The following CERS6 variants were observed in gnomAD, a reference collection of about 807,000 sequenced individuals.
The protein encoded by CERS6 is ceramide synthase 6.
A neutral mutation model predicts 56.8 loss-of-function variants in CERS6; 26 were observed. That is an observed-to-expected ratio of 0.46 (90% CI 0.34 to 0.63). The LOEUF (loss-of-function observed/expected upper bound fraction) is 0.63. CERS6 is among the 30% of genes least tolerant of loss of function. The pLI is 0.01. For missense variants in CERS6, 415 were observed against 467.5 expected, an observed-to-expected ratio of 0.89 and a Z score of 1.04; for synonymous variants, 164 against 173.3, an observed-to-expected ratio of 0.95 and a Z score of 0.42.
intron 1 of CERS6, among the ~76,000 whole-genome samples, chr2:168,497,989 C>A (rs1336709351): frequency 1.3e-5 from 2 of 152,138 alleles, no homozygotes; most frequent in Non-Finnish European, 1.5e-5. Flanking sequence ...CAAAGGAAGA[C>A]TCCTGATACC....
intron 4 of CERS6, among the ~76,000 whole-genome samples, chr2:168,676,211 G>T (rs1335141990): frequency 6.6e-6 from 1 of 152,152 alleles, no homozygotes; most frequent in Middle Eastern, 3.2e-3. Flanking sequence ...ATTCTTCTTT[G>T]ATAGTATAGC....
intron 3 of CERS6, among the ~76,000 whole-genome samples, chr2:168,576,682 A>G (rs1358807203): frequency 6.6e-6 from 1 of 152,204 alleles, no homozygotes; most frequent in Non-Finnish European, 1.5e-5. Flanking sequence ...ACATGATGCC[A>G]TACTTGCTCT....
At chr2:168,551,238 A>G (rs1225800291) in intron 2 of CERS6, among the ~76,000 whole-genome samples, 2 of 152,156 alleles carry the variant, frequency 1.3e-5, no homozygotes, top group Non-Finnish European at 1.5e-5. Flanking sequence ...GAACCCTTAT[A>G]TATTCTGTAG....
At chr2:168,470,035 G>C (rs1410405981) in intron 1 of CERS6, among the ~76,000 whole-genome samples, 5 of 151,996 alleles carry the variant, frequency 3.3e-5, no homozygotes, top group Non-Finnish European at 7.4e-5. Context: ...CTCAGGAAAT[G>C]CCATTTCAGG....
At chr2:168,722,466 G>C (rs1366194378) in intron 8 of CERS6, among the ~76,000 whole-genome samples, 1 of 152,080 alleles carries the variant, frequency 6.6e-6, no homozygotes, top group Non-Finnish European at 1.5e-5. Flanking sequence ...GTGTATGGTA[G>C]AAGGTAGGTA....
In CERS6 at chr2:168,757,935, G is replaced by A. The variant is rs370430955; in HGVS notation, c.846-7657G>A. 9.2e-5 allele frequency among the ~76,000 whole-genome samples: 14 copies of A among 152,240 alleles called. No individual in the cohort carries two copies. The East Asian group carries it at 1.4e-3, about 15-fold the overall frequency. ...AAACATCGTTCTCAGCCTTGTAATA[G>A]CCTTGATGTTGACCAAGATGTTATT... is the stretch of plus-strand genomic sequence containing the variant. On this transcript the variant is annotated intron_variant, in intron 8 of 9. Transcript: ENST00000305747.
At chr2:168,577,526 A>G (rs1683303010) in intron 3 of CERS6, among the ~76,000 whole-genome samples, 1 of 152,124 alleles carries the variant, frequency 6.6e-6, no homozygotes, top group African/African-American at 2.4e-5. Flanking sequence ...TTGTTTGTAT[A>G]CTGATGGGAA....
chr2:168,696,647 A>G (rs1686654317), intron 6 of CERS6, among the ~76,000 whole-genome samples: 2 of 152,328 alleles, frequency 1.3e-5, no homozygotes, highest in East Asian at 1.9e-4. Flanking sequence ...GTGTCTGGCA[A>G]CAGCCCACTT....
chr2:168,692,969 A>T (rs1464396108), intron 5 of CERS6, among the ~76,000 whole-genome samples: 1 of 152,202 alleles, frequency 6.6e-6, no homozygotes, highest in African/African-American at 2.4e-5. Flanking sequence ...CATTTAGGTG[A>T]AAAAGTAGTG....
intron 4 of CERS6, among the ~76,000 whole-genome samples, chr2:168,638,817 T>G (rs1181341149): frequency 6.6e-6 from 1 of 152,238 alleles, no homozygotes; most frequent in Non-Finnish European, 1.5e-5. Flanking sequence ...TTCTTCAGGC[T>G]GTGAGGTATA....
chr2:168,464,692 C>G (rs1396671139), intron 1 of CERS6, among the ~76,000 whole-genome samples: 2 of 139,130 alleles, frequency 1.4e-5, no homozygotes, highest in African/African-American at 5.5e-5. Context: ...GGGATAGAGC[C>G]TAAATTAAAA....
chr2:168,633,411 G>A (rs1463079953), intron 4 of CERS6, among the ~76,000 whole-genome samples: 1 of 152,062 alleles, frequency 6.6e-6, no homozygotes, highest in Admixed American at 6.6e-5. Context: ...CACAGCTCAG[G>A]AGGCAGAAAT....
intron 1 of CERS6, among the ~76,000 whole-genome samples, chr2:168,489,822 T>C (rs1327703968): frequency 1.3e-5 from 2 of 152,186 alleles, no homozygotes; most frequent in Admixed American, 6.6e-5. Context: ...TTCTCAGAGT[T>C]GGAATCTGAT....
At chr2:168,624,420 T>G (rs943151457) in intron 3 of CERS6, among the ~76,000 whole-genome samples, 2 of 152,182 alleles carry the variant, frequency 1.3e-5, no homozygotes, top group African/African-American at 4.8e-5. Context: ...CCATGTACTT[T>G]GGCAAGTAAT....
At chr2:168,611,028 C>T (rs1399078173) in intron 3 of CERS6, among the ~76,000 whole-genome samples, 5 of 152,082 alleles carry the variant, frequency 3.3e-5, no homozygotes, top group Non-Finnish European at 4.4e-5. Flanking sequence ...AGGCTGGTCT[C>T]GAACTCCTGA....
intron 4 of CERS6, among the ~76,000 whole-genome samples, chr2:168,656,831 G>A (rs1351931274): frequency 1.3e-5 from 2 of 152,142 alleles, no homozygotes; most frequent in East Asian, 1.9e-4. Context: ...GAGCCTAGTG[G>A]CCTGTTTTGT....
intron 3 of CERS6, among the ~76,000 whole-genome samples, chr2:168,595,408 A>G (rs1184538562): frequency 6.6e-6 from 1 of 152,222 alleles, no homozygotes; most frequent in Non-Finnish European, 1.5e-5. Context: ...TTCTTGGACC[A>G]AGGTTAGATT....
At chr2:168,676,998 GC>G (rs1329771007) in intron 4 of CERS6, among the ~76,000 whole-genome samples, 23 of 141,266 alleles carry the variant, frequency 1.6e-4, no homozygotes, top group Admixed American at 1.6e-3. Flanking sequence ...GTTTTTTGGG[GC>G]TTTTTTTTTT....
At chr2:168,517,953 T>C (rs1220556634) in intron 1 of CERS6, among the ~76,000 whole-genome samples, 1 of 152,206 alleles carries the variant, frequency 6.6e-6, no homozygotes, top group Non-Finnish European at 1.5e-5. Context: ...ATCATTGAAA[T>C]GGCACAATAG....
Sources: allele counts gnomAD v4.1 joint callset (sites outside exome capture counted in the v4.1 genomes callset), GRCh38; gene constraint gnomAD v4.1.1; transcripts MANE v1.5; gene names NCBI Gene and HGNC (gene_info 2026-07-23, HGNC 2026-07-21).